Variants in SCAF8 observed in about 807,000 individuals in gnomAD.
The protein encoded by SCAF8 is SR-related and CTD-associated factor 8.
In SCAF8, 23 loss-of-function variants were observed where a neutral mutation model predicts 140.5. The ratio of observed to expected loss-of-function variants is 0.16; its 90% CI spans 0.12 to 0.23. The LOEUF (loss-of-function observed/expected upper bound fraction) is 0.23, where lower values mean the gene tolerates loss of function less well. Among genes scored for constraint, SCAF8 ranks in the 10% least tolerant of loss-of-function variants. The pLI is 1.00. For synonymous variants in SCAF8, 575 were observed against 528.9 expected (o/e 1.09, Z -1.20); for missense variants, 1,397 against 1,555.7 (o/e 0.90, Z 1.72).
intron 4 of SCAF8, 32 bp downstream of exon 4, chr6:154,788,054 T>A: frequency 1.9e-6 from 3 of 1,552,252 alleles, no homozygotes; most frequent in African/African-American, 1.4e-5. Flanking sequence ...TTTGTTTTTT[T>A]AAAAGTAGAT....
rs75282196 is a variant in SCAF8, at chr6:154,822,368, A to G, written c.1885A>G (p.Thr629Ala). Residue 629 changes from threonine to alanine, a missense_variant, in exon 16 of 20, where the codon ACC becomes GCC. Physicochemically the swap from Thr to Ala is moderately conservative, Grantham distance 58. This residue lies in a region of SCAF8 where 930 missense variants were observed against 874.6 expected (regional missense o/e 1.06). Coordinates refer to ENST00000367178, the MANE Select transcript of SCAF8 (RefSeq NM_014892.5). ...AGTTGAAAAGGAGACAGTGGTCACA[A>G]CCCAGGCAGAGGTTTTCCCTCCTCC... ...TPVEKETVVTTQAEVFPPPVA... is the reference protein window; with the variant it reads ...TPVEKETVVTAQAEVFPPPVA... 5.3e-3 allele frequency: 8,596 copies of G among 1,613,664 alleles called. 81 individuals carry two copies. The highest frequency in any genetic ancestry group is 0.029 in the African/African-American group (2,203 of 75,008).
intron 19 of SCAF8, 67 bp from the exon 20 acceptor site, chr6:154,831,871 AT>A: frequency 7.2e-7 from 1 of 1,381,338 alleles, no homozygotes; most frequent in Admixed American, 2.3e-5. Flanking sequence ...CAAGTAGCTG[AT>A]TAAGCTAAAA....
At chr6:154,776,710 G>T (rs985858490) in intron 2 of SCAF8, among the ~76,000 whole-genome samples, 10 of 152,198 alleles carry the variant, frequency 6.6e-5, no homozygotes, top group Admixed American at 5.2e-4. Flanking sequence ...TTACTTTATT[G>T]TAAGTAACTT....
intron 1 of SCAF8, among the ~76,000 whole-genome samples, chr6:154,766,620 A>G (rs1776573250): frequency 6.7e-6 from 1 of 149,526 alleles, no homozygotes; most frequent in Admixed American, 6.7e-5. Context: ...AATTTCTCCA[A>G]GATTCATATC....
upstream of SCAF8, chr6:154,733,386 C>T: frequency 2.2e-6 from 3 of 1,342,670 alleles, no homozygotes; most frequent in Non-Finnish European, 2.9e-6. Context: ...CCGCGGATCC[C>T]CGAACTGCGC....
intron 3 of SCAF8, among the ~76,000 whole-genome samples, chr6:154,781,574 C>T (rs1338444117): frequency 6.6e-6 from 1 of 152,210 alleles, no homozygotes; most frequent in Non-Finnish European, 1.5e-5. Context: ...CATTGCACTA[C>T]CTGCCTTCAA....
intron 4 of SCAF8, among the ~76,000 whole-genome samples, chr6:154,788,997 A>G (rs1361306363): frequency 1.3e-5 from 2 of 152,190 alleles, no homozygotes; most frequent in African/African-American, 4.8e-5. Context: ...AGCTCACCAC[A>G]AATTATTCAC....
At chr6:154,827,840 G>GC (rs753935831) in intron 18 of SCAF8, among the ~76,000 whole-genome samples, 4 of 150,518 alleles carry the variant, frequency 2.7e-5, no homozygotes, top group Admixed American at 6.6e-5. Context: ...GGGGCGGGGG[G>GC]GGGGGCGGTG....
chr6:154,823,129 G>A (rs1456458729), intron 16 of SCAF8, among the ~76,000 whole-genome samples: 4 of 152,216 alleles, frequency 2.6e-5, no homozygotes, highest in African/African-American at 9.7e-5. Context: ...AATATGGTTG[G>A]TGTGGTCCAG....
intron 3 of SCAF8, among the ~76,000 whole-genome samples, chr6:154,783,700 A>G (rs61172532): frequency 0.072 from 10,981 of 152,280 alleles, 468 homozygotes; most frequent in African/African-American, 0.1. Context: ...GGATATGTAT[A>G]TATTTTTCAA....
At chr6:154,744,701 T>G (rs575601139) in intron 1 of SCAF8, among the ~76,000 whole-genome samples, 13 of 152,352 alleles carry the variant, frequency 8.5e-5, no homozygotes, top group African/African-American at 3.1e-4. Flanking sequence ...TGGTTGGTTG[T>G]TTTGTTTTTA....
chr6:154,747,820 A>G (rs1778739759), intron 1 of SCAF8, among the ~76,000 whole-genome samples: 1 of 152,054 alleles, frequency 6.6e-6, no homozygotes, highest in Non-Finnish European at 1.5e-5. Context: ...TTTAGGCACT[A>G]GGATTCAACA....
At position 154,736,630 on chromosome 6, in the gene SCAF8, C is replaced by T. The variant is rs1183994745; in HGVS notation, c.30+2700C>T. 2.6e-5 allele frequency among the ~76,000 whole-genome samples: 4 copies of T among 152,148 alleles called. No individual in the cohort carries two copies. In the East Asian group the frequency reaches 7.7e-4, roughly 29 times the overall value. ...ATTAGATGTAAACAAGTGGTTAGTG[C>T]ACTATGGTTGGTCACAGTAGGGAAG... On this transcript the variant is annotated intron_variant, in intron 1 of 19. Coordinates refer to ENST00000367178, the MANE Select transcript of SCAF8 (RefSeq NM_014892.5).
chr6:154,823,098 G>A lies in SCAF8; in HGVS notation c.1926+689G>A, dbSNP rs1472939112. On this transcript the variant is annotated intron_variant, in intron 16 of 19. Coordinates refer to ENST00000367178, the MANE Select transcript of SCAF8 (RefSeq NM_014892.5). Reference sequence around the variant, plus strand: ...ACATTCTGTTCAGAGGCAACAACCAGTGCAAAGGTCCCACACCAGGAATAT... The same window carrying A: ...ACATTCTGTTCAGAGGCAACAACCAATGCAAAGGTCCCACACCAGGAATAT... Among the ~76,000 whole-genome samples, 3 of 152,334 alleles carry A rather than the reference G, an allele frequency of 2.0e-5. No individual in the cohort carries two copies. In the East Asian group the frequency reaches 5.8e-4, roughly 29 times the overall value.
At chr6:154,765,131 A>G (rs1483822904) in intron 1 of SCAF8, among the ~76,000 whole-genome samples, 2 of 152,166 alleles carry the variant, frequency 1.3e-5, no homozygotes, top group African/African-American at 2.4e-5. Context: ...TCATCATCAT[A>G]TTCTTTTTCT....
At chr6:154,737,446 T>C (rs983900389) in intron 1 of SCAF8, among the ~76,000 whole-genome samples, 2 of 151,938 alleles carry the variant, frequency 1.3e-5, no homozygotes, top group African/African-American at 4.8e-5. Flanking sequence ...GAGGCCGAGG[T>C]GGGCAGATGA....
intron 2 of SCAF8, 72 bp from the exon 3 acceptor site, chr6:154,777,929 C>T: frequency 1.1e-6 from 1 of 918,758 alleles, no homozygotes; most frequent in Non-Finnish European, 1.8e-6. Flanking sequence ...CATGTAAAAC[C>T]TATGGTTAGC....
chr6:154,819,235 A>C (rs1764923882), intron 14 of SCAF8, among the ~76,000 whole-genome samples: 2 of 152,162 alleles, frequency 1.3e-5, no homozygotes, highest in South Asian at 4.1e-4. Flanking sequence ...TTCATTCATG[A>C]CTGAGTTTCT....
At chr6:154,745,120 G>A (rs991270516) in intron 1 of SCAF8, among the ~76,000 whole-genome samples, 7 of 152,140 alleles carry the variant, frequency 4.6e-5, no homozygotes, top group Admixed American at 3.9e-4. Context: ...ACATTCACTT[G>A]TCTTAGTCTC....
Sources: gnomAD v4.1 joint callset for allele counts (sites outside exome capture counted in the v4.1 genomes callset) on GRCh38, gnomAD v4.1.1 for gene constraint, gnomAD v4.1.1 regional missense constraint, MANE v1.5 for transcripts, NCBI Gene and HGNC (gene_info 2026-07-23, HGNC 2026-07-21) for gene names.